The following MYRIP variants were observed in gnomAD, a reference collection of about 807,000 sequenced individuals.
MYRIP encodes rab effector MyRIP.
In MYRIP, 49 loss-of-function variants were observed where a neutral mutation model predicts 98.0. That is an observed-to-expected ratio of 0.50 (90% CI 0.40 to 0.63). MYRIP has a LOEUF of 0.63. Among genes scored for constraint, MYRIP ranks in the 30% least tolerant of loss-of-function variants. The pLI is 0.00. For synonymous variants in MYRIP, 404 were observed against 409.5 expected, an observed-to-expected ratio of 0.99 and a Z score of 0.16; for missense variants, 1,004 against 1,058.2, an observed-to-expected ratio of 0.95 and a Z score of 0.71.
At chr3:40,132,100 G>C (rs1949656669) in intron 3 of MYRIP, among the ~76,000 whole-genome samples, 1 of 151,860 alleles carries the variant, frequency 6.6e-6, no homozygotes, top group Non-Finnish European at 1.5e-5. Flanking sequence ...TATAGAATCA[G>C]TTTTCTTCTG....
rs372217462 is a variant in MYRIP, at chr3:40,130,463, C to T, written c.333-20585C>T. Among the ~76,000 whole-genome samples the T allele has an allele frequency of 7.1e-3, 1,076 of 151,296 alleles. 6 individuals carry two copies. Among genetic ancestry groups the T allele is most frequent in the African/African-American group, 0.024 (983 of 41,204 alleles). ...CGCAATCTCGGCTCACTGCAAGCTC[C>T]GCCTCCCGGGTTCACGCCATTCTCC... On this transcript the variant is annotated intron_variant, in intron 3 of 16. Transcript: ENST00000302541.
At chr3:39,929,975 A>G (rs1944500716) in intron 2 of MYRIP, among the ~76,000 whole-genome samples, 1 of 152,034 alleles carries the variant, frequency 6.6e-6, no homozygotes, top group African/African-American at 2.4e-5. Context: ...TGATGACCTG[A>G]GTTGTTTCCA....
At chr3:40,126,490 A>G (rs1949528113) in intron 3 of MYRIP, among the ~76,000 whole-genome samples, 1 of 152,246 alleles carries the variant, frequency 6.6e-6, no homozygotes, top group Non-Finnish European at 1.5e-5. Flanking sequence ...TGTTGATGAT[A>G]ACAAAAAAAT....
intron 3 of MYRIP, among the ~76,000 whole-genome samples, chr3:40,133,560 G>A (rs1400693479): frequency 2.6e-5 from 4 of 152,096 alleles, no homozygotes; most frequent in Non-Finnish European, 5.9e-5. Flanking sequence ...GAAGAATGGG[G>A]GAAATAAGTA....
chr3:39,978,212 G>A (rs1945803080), intron 2 of MYRIP, among the ~76,000 whole-genome samples: 1 of 152,172 alleles, frequency 6.6e-6, no homozygotes, highest in Non-Finnish European at 1.5e-5. Context: ...ATAGAAATTA[G>A]CAATGGCTAT....
At chr3:40,048,250 A>G (rs543904739) in intron 3 of MYRIP, among the ~76,000 whole-genome samples, 2 of 152,270 alleles carry the variant, frequency 1.3e-5, no homozygotes, top group East Asian at 1.9e-4. Flanking sequence ...TTTCAGACCC[A>G]TATTCACTCC....
chr3:40,238,754 GGGAAAAAAA>G (rs1000490959), intron 12 of MYRIP: 56 of 151,316 alleles, frequency 3.7e-4, no homozygotes, highest in African/African-American at 1.3e-3. Context: ...TGAGCAAAAT[GGGAAAAAAA>G]GGAAAAAAAA....
intron 11 of MYRIP, among the ~76,000 whole-genome samples, chr3:40,218,796 C>T (rs1052441824): frequency 2.6e-5 from 4 of 151,470 alleles, no homozygotes; most frequent in African/African-American, 9.7e-5. Context: ...GATGGGAAAA[C>T]TTCACACTTT....
intron 1 of MYRIP, among the ~76,000 whole-genome samples, chr3:39,830,862 G>A (rs1941423811): frequency 6.6e-6 from 1 of 152,064 alleles, no homozygotes; most frequent in Non-Finnish European, 1.5e-5. Flanking sequence ...GAGTTGTCTA[G>A]ACTCGCTGTA....
intron 2 of MYRIP, among the ~76,000 whole-genome samples, chr3:39,942,842 C>T (rs1944821044): frequency 6.6e-6 from 1 of 152,042 alleles, no homozygotes; most frequent in Non-Finnish European, 1.5e-5. Context: ...TGGTAATTAC[C>T]AATCTATTCT....
At chr3:40,204,216 T>TATATAATATATTATAAA (rs1951730247) in intron 10 of MYRIP, among the ~76,000 whole-genome samples, 1 of 10,586 alleles carries the variant, frequency 9.4e-5, no homozygotes, top group Admixed American at 2.3e-3. Flanking sequence ...ATTTATATAT[T>TATATAATATATTATAAA]ATATATAAAT....
chr3:39,917,691 T>C (rs1232954098), intron 2 of MYRIP, among the ~76,000 whole-genome samples: 1 of 148,758 alleles, frequency 6.7e-6, no homozygotes, highest in African/African-American at 2.5e-5. Flanking sequence ...CTGCCTTCTT[T>C]ATTGTCATAT....
chr3:39,861,092 G>A (rs1311989905), intron 1 of MYRIP, among the ~76,000 whole-genome samples: 1 of 152,218 alleles, frequency 6.6e-6, no homozygotes, highest in African/African-American at 2.4e-5. Flanking sequence ...CACCCATAAG[G>A]GTGTTGTGAC....
At chr3:40,000,993 C>T (rs1946506076) in intron 2 of MYRIP, among the ~76,000 whole-genome samples, 1 of 152,020 alleles carries the variant, frequency 6.6e-6, no homozygotes, top group South Asian at 2.1e-4. Flanking sequence ...TTGGTGTTTC[C>T]CAAAGTGTGA....
At chr3:40,093,774 A>C (rs897560992) in intron 3 of MYRIP, among the ~76,000 whole-genome samples, 1 of 152,194 alleles carries the variant, frequency 6.6e-6, no homozygotes, top group Non-Finnish European at 1.5e-5. Context: ...CCACCATTGC[A>C]ATTGGATGCA....
At chr3:40,031,892 A>G (rs1425326648) in intron 2 of MYRIP, among the ~76,000 whole-genome samples, 1 of 151,914 alleles carries the variant, frequency 6.6e-6, no homozygotes, top group East Asian at 1.9e-4. Flanking sequence ...CTTCTTTATT[A>G]GTCTTGCTAG....
chr3:39,988,890 G>T (rs906843198), intron 2 of MYRIP, among the ~76,000 whole-genome samples: 1 of 151,644 alleles, frequency 6.6e-6, no homozygotes, highest in African/African-American at 2.4e-5. Context: ...GTCTAAACTG[G>T]TTATTCTATT....
chr3:40,038,582 TATAATC>T (rs1237582376), intron 2 of MYRIP, among the ~76,000 whole-genome samples: 1 of 152,118 alleles, frequency 6.6e-6, no homozygotes, highest in Non-Finnish European at 1.5e-5. Flanking sequence ...GCAGAGATCT[TATAATC>T]ATGAGAGAAA....
chr3:39,932,067 T>C (rs1317850177), intron 2 of MYRIP, among the ~76,000 whole-genome samples: 1 of 152,180 alleles, frequency 6.6e-6, no homozygotes, highest in Non-Finnish European at 1.5e-5. Flanking sequence ...TAATATTTAC[T>C]AGGTTGTGTT....
Sources: allele counts gnomAD v4.1 joint callset (sites outside exome capture counted in the v4.1 genomes callset), GRCh38; gene constraint gnomAD v4.1.1; transcripts MANE v1.5; gene names NCBI Gene and HGNC (gene_info 2026-07-23, HGNC 2026-07-21).